Variants in FOCAD observed in about 807,000 individuals in gnomAD.
FOCAD encodes the protein KIAA1797.
In FOCAD, 198 loss-of-function variants were observed where a neutral mutation model predicts 225.6. That is an observed-to-expected ratio of 0.88 (90% confidence interval 0.78 to 0.99). The LOEUF is 0.99. Among genes scored for constraint, FOCAD ranks in the 50% least tolerant of loss-of-function variants. The pLI is 0.00. For synonymous variants in FOCAD, 897 were observed against 755.0 expected, an observed-to-expected ratio of 1.19 and a Z score of -3.08; for missense variants, 2,713 against 2,123.6, an observed-to-expected ratio of 1.28 and a Z score of -5.46.
At chr9:20,732,378 T>C (rs1165946598) in intron 4 of FOCAD, among the ~76,000 whole-genome samples, 2 of 151,724 alleles carry the variant, frequency 1.3e-5, no homozygotes, top group African/African-American at 2.4e-5. Flanking sequence ...CAAACAGGAG[T>C]TGGTAAAACT....
At chr9:20,983,404 T>G (rs866589719) in intron 39 of FOCAD, among the ~76,000 whole-genome samples, 2 of 152,002 alleles carry the variant, frequency 1.3e-5, no homozygotes, top group African/African-American at 4.8e-5. Context: ...AAACCCCGTC[T>G]CTACTAAAGG....
intron 35 of FOCAD, among the ~76,000 whole-genome samples, chr9:20,968,814 C>T (rs1463891508): frequency 2.6e-5 from 4 of 151,970 alleles, no homozygotes; most frequent in African/African-American, 9.7e-5. Flanking sequence ...GGTATATTTG[C>T]TCTTCTTTTT....
intron 9 of FOCAD, among the ~76,000 whole-genome samples, chr9:20,779,101 A>G (rs370355769): frequency 5.9e-5 from 9 of 152,238 alleles, no homozygotes; most frequent in African/African-American, 2.2e-4. Context: ...CTTGAAAGAA[A>G]AGTGTTTAGT....
Position 20,867,740 on chromosome 9 carries a change from C to G in FOCAD, c.2190+728C>G, listed in dbSNP as rs995606400. Among the ~76,000 whole-genome samples the G allele has an allele frequency of 2.0e-5, 3 of 152,142 alleles. No homozygotes were observed. In the East Asian group the frequency reaches 5.8e-4, roughly 29 times the overall value. On this transcript the variant is annotated intron_variant, in intron 18 of 43. Transcript: ENST00000338382. Reference sequence around the variant, plus strand: ...TGTTTATTGAGTGCCTCTGAAGTGTCAAGCAGACATTGTGTTAGATGAAGT... The same window carrying G: ...TGTTTATTGAGTGCCTCTGAAGTGTGAAGCAGACATTGTGTTAGATGAAGT...
chr9:20,830,996 G>T (rs183743810), intron 15 of FOCAD, among the ~76,000 whole-genome samples: 5 of 151,972 alleles, frequency 3.3e-5, no homozygotes, highest in Admixed American at 2.0e-4. Context: ...ACCTTTAAAG[G>T]ATGTTTTTGA....
chr9:20,743,626 C>T (rs1329036322), intron 5 of FOCAD, among the ~76,000 whole-genome samples: 3 of 152,164 alleles, frequency 2.0e-5, no homozygotes, highest in Non-Finnish European at 4.4e-5. Flanking sequence ...GGTTCTCAAA[C>T]TTGTCTTGCA....
intron 24 of FOCAD, among the ~76,000 whole-genome samples, chr9:20,917,335 G>T (rs1031632770): frequency 6.6e-6 from 1 of 151,792 alleles, no homozygotes; most frequent in Non-Finnish European, 1.5e-5. Flanking sequence ...TGGTGTTATT[G>T]GGTTCCGCAT....
intron 10 of FOCAD, chr9:20,787,034 G>T: frequency 4.8e-6 from 2 of 419,416 alleles, no homozygotes; most frequent in African/African-American, 2.1e-5. Flanking sequence ...GCCAGTGGCA[G>T]CTGTCACTCA....
At chr9:20,795,784 GAAAAA>G (rs1161085446) in intron 11 of FOCAD, among the ~76,000 whole-genome samples, 2 of 42,406 alleles carry the variant, frequency 4.7e-5, no homozygotes, top group South Asian at 1.0e-3. Context: ...ACTCTGTCTC[GAAAAA>G]AAAAAAAAAA....
Position 20,920,174 on chromosome 9 carries a change from G to A in FOCAD, c.2852+3237G>A, listed in dbSNP as rs912708791. Among the ~76,000 whole-genome samples the A allele has an allele frequency of 1.2e-4, 18 of 152,074 alleles. No individual in the cohort carries two copies. The East Asian group carries it at 1.4e-3, about 11-fold the overall frequency. On this transcript the variant is annotated intron_variant, in intron 24 of 43. Transcript: ENST00000338382. ...GAAGGAGATGAACAGACACTTCTCA[G>A]AAGAAGACATTTATGCAGCCAAAAA... is the stretch of plus-strand genomic sequence containing the variant.
At chr9:20,817,343 A>G (rs939012675) in intron 11 of FOCAD, among the ~76,000 whole-genome samples, 4 of 152,092 alleles carry the variant, frequency 2.6e-5, no homozygotes, top group Non-Finnish European at 5.9e-5. Flanking sequence ...CCCCATGCCC[A>G]TAAGACGTCA....
chr9:20,929,527 A>C lies in FOCAD; in HGVS notation c.3248A>C (p.Gln1083Pro). 6.2e-7 allele frequency: 1 copy of C among 1,614,128 alleles called. No homozygotes were observed. Among genetic ancestry groups the C allele is most frequent in the Non-Finnish European group, 8.5e-7 (1 of 1,179,986 alleles). ...LPGKPSADESQAVQIHMGLAL... is the reference protein window; with the variant it reads ...LPGKPSADESPAVQIHMGLAL... ...GGGAAACCAAGTGCTGATGAGTCTCAAGCCGTGCAAATCCACATGGGCCTT... is the reference window on the plus strand; with the variant it reads ...GGGAAACCAAGTGCTGATGAGTCTCCAGCCGTGCAAATCCACATGGGCCTT... The change falls in exon 27 of 44, where the codon CAA (glutamine) becomes CCA (proline). Residue 1083 changes from glutamine (Q) to proline (P), a missense_variant. Coordinates refer to ENST00000338382, the MANE Select transcript of FOCAD (RefSeq NM_001375567.1).
intron 16 of FOCAD, among the ~76,000 whole-genome samples, chr9:20,865,321 A>G (rs111861503): frequency 1.1e-3 from 174 of 152,216 alleles, no homozygotes; most frequent in African/African-American, 4.0e-3. Flanking sequence ...TGCAAAGGCA[A>G]GGAGGTATAG....
chr9:20,837,340 A>G (rs1212819756), intron 15 of FOCAD, among the ~76,000 whole-genome samples: 1 of 152,080 alleles, frequency 6.6e-6, no homozygotes, highest in East Asian at 1.9e-4. Flanking sequence ...ATTCTTTAAA[A>G]GATCAAACAA....
intron 24 of FOCAD, among the ~76,000 whole-genome samples, chr9:20,921,460 A>T (rs940689277): frequency 6.6e-6 from 1 of 152,192 alleles, no homozygotes; most frequent in African/African-American, 2.4e-5. Flanking sequence ...TTACTGAACC[A>T]GTTATAGATT....
intron 30 of FOCAD, among the ~76,000 whole-genome samples, chr9:20,947,995 A>G (rs998875269): frequency 6.6e-6 from 1 of 152,112 alleles, no homozygotes; most frequent in African/African-American, 2.4e-5. Flanking sequence ...TGTTTGAGCT[A>G]AGCTGCTCAA....
chr9:20,694,051 C>A (rs532905579), intron 1 of FOCAD, among the ~76,000 whole-genome samples: 1 of 152,180 alleles, frequency 6.6e-6, no homozygotes, highest in African/African-American at 2.4e-5. Context: ...ACCAAGTATT[C>A]TTCCACATCC....
chr9:20,743,349 C>A (rs1050680507), intron 5 of FOCAD, among the ~76,000 whole-genome samples: 1 of 152,166 alleles, frequency 6.6e-6, no homozygotes, highest in Non-Finnish European at 1.5e-5. Flanking sequence ...GTATTAAGCA[C>A]TGTGCCAGTA....
intron 11 of FOCAD, among the ~76,000 whole-genome samples, chr9:20,815,147 T>A (rs1185608109): frequency 7.9e-6 from 1 of 126,572 alleles, no homozygotes; most frequent in African/African-American, 3.1e-5. Context: ...GTTTTTTTTT[T>A]TTTTTTTGAG....
Sources: gnomAD v4.1 joint callset for allele counts (sites outside exome capture counted in the v4.1 genomes callset) on GRCh38, gnomAD v4.1.1 for gene constraint, MANE v1.5 for transcripts, NCBI Gene and HGNC (gene_info 2026-07-23, HGNC 2026-07-21) for gene names.